USP6NL: variants seen among roughly 807,000 people sequenced by gnomAD.
USP6NL encodes the protein USP6 N-terminal-like protein.
A neutral mutation model predicts 61.9 loss-of-function variants in USP6NL; 26 were observed. That is an observed-to-expected ratio of 0.42 (90% CI 0.31 to 0.58). The LOEUF is 0.58. USP6NL is among the 20% of genes least tolerant of loss of function. The pLI, the probability that USP6NL is intolerant of heterozygous loss-of-function variation, is 0.16. For missense variants in USP6NL, 1,114 were observed against 1,034.3 expected, an observed-to-expected ratio of 1.08 and a Z score of -1.06; for synonymous variants, 432 against 390.1, an observed-to-expected ratio of 1.11 and a Z score of -1.27.
chr10:11,590,323 C>A (rs573797545), intron 2 of USP6NL, among the ~76,000 whole-genome samples: 2 of 152,136 alleles, frequency 1.3e-5, no homozygotes, highest in South Asian at 4.1e-4. Flanking sequence ...TTTCACACTA[C>A]AGGAAATGAG....
At chr10:11,558,755 TATAA>T (rs1184652541) in intron 2 of USP6NL, among the ~76,000 whole-genome samples, 1 of 152,220 alleles carries the variant, frequency 6.6e-6, no homozygotes, top group African/African-American at 2.4e-5. Context: ...TGAAATTACA[TATAA>T]ATATCTAAAC....
At position 11,510,023 on chromosome 10, in the gene USP6NL, T is replaced by A. The variant is rs1834631708; in HGVS notation, c.196-348A>T. On this transcript the variant is annotated intron_variant, in intron 5 of 14. Coordinates refer to ENST00000609104, the MANE Select transcript of USP6NL (RefSeq NM_014688.5). The surrounding 1 kb of genome is among the most constrained non-coding windows in gnomAD (Gnocchi z 4.8). The stretch of plus-strand genomic sequence containing the variant: ...ACAAAAACACTACTTTGAAATTTAA[T>A]TCTCTTCTTTCTTATTTTACTGAAT... Among the ~76,000 whole-genome samples the A allele has an allele frequency of 8.2e-6, 1 of 121,546 alleles. No individual in the cohort carries two copies. 79.7% of individuals were successfully genotyped at this position (121,546 alleles called of 152,430 possible). A position where few individuals can be genotyped will look rare whatever the true frequency, so the allele number is the denominator to read the frequency against.
Position 11,463,261 on chromosome 10 carries a change from C to G in USP6NL, c.1667G>C (p.Gly556Ala). 1 of 1,613,752 alleles carries G rather than the reference C, an allele frequency of 6.2e-7. No individual in the cohort carries two copies. The highest frequency in any genetic ancestry group is 8.5e-7 in the Non-Finnish European group (1 of 1,179,902). ...GGAAGCGCCGCTGTCCAGCTCCGGG[C>G]CTGGCACGTTGTCGTACTGCGATGC... ...STASQYDNVP[G>A]PELDSGASVE... Residue 556 changes from glycine to alanine, a missense_variant, in exon 15 of 15, where the codon GGC (glycine) becomes GCC (alanine). Gly to Ala is a moderately conservative substitution (Grantham distance 60). Coordinates refer to ENST00000609104, the MANE Select transcript of USP6NL (RefSeq NM_014688.5). This position sits in a 1 kb window ranked among gnomAD's most constrained non-coding sequence, Gnocchi z 6.3.
chr10:11,596,301 A>T lies in USP6NL; in HGVS notation c.4+1330T>A, dbSNP rs1226951669. Among the ~76,000 whole-genome samples the T allele has an allele frequency of 6.6e-6, 1 of 152,182 alleles. No individual in the cohort carries two copies. Among genetic ancestry groups the T allele is most frequent in the African/African-American group, 2.4e-5 (1 of 41,440 alleles). On this transcript the variant is annotated intron_variant, in intron 2 of 14. Transcript: ENST00000609104. The surrounding 1 kb of genome is among the most constrained non-coding windows in gnomAD (Gnocchi z 4.1). ...TACATTAGATAAACTTTCTCACAAA[A>T]TGTCATGATTGGAGCTGAAATAACA...
chr10:11,574,713 A>G lies in USP6NL; in HGVS notation c.4+22918T>C, dbSNP rs1837479305. Among the ~76,000 whole-genome samples the G allele has an allele frequency of 6.6e-6, 1 of 152,136 alleles. No homozygotes were observed. The highest frequency in any genetic ancestry group is 6.5e-5 in the Admixed American group (1 of 15,274). Reference sequence around the variant, plus strand: ...TCTTTCCTTCCCATGAATTATTTTGACATTTTTAACATATCATAAAATATT... The same window carrying G: ...TCTTTCCTTCCCATGAATTATTTTGGCATTTTTAACATATCATAAAATATT... On this transcript the variant is annotated intron_variant, in intron 2 of 14. Transcript: ENST00000609104. This position sits in a 1 kb window ranked among gnomAD's most constrained non-coding sequence, Gnocchi z 4.3.
intron 7 of USP6NL, among the ~76,000 whole-genome samples, chr10:11,498,923 C>T (rs1483992702): frequency 6.6e-6 from 1 of 152,116 alleles, no homozygotes; most frequent in Non-Finnish European, 1.5e-5. Context: ...TTCTATGCAA[C>T]CATGTCTCCT....
rs1037604322 is a variant in USP6NL at position 11,589,475 on chromosome 10, A to G, written c.4+8156T>C. 2.6e-5 allele frequency among the ~76,000 whole-genome samples: 4 copies of G among 152,232 alleles called. No homozygotes were observed. Among genetic ancestry groups the G allele is most frequent in the African/African-American group, 9.6e-5 (4 of 41,462 alleles). On this transcript the variant is annotated intron_variant, in intron 2 of 14. Transcript: ENST00000609104. The surrounding 1 kb of genome is among the most constrained non-coding windows in gnomAD (Gnocchi z 4.7). ...TAATATAAAATTGTTACCAAAGGAA[A>G]ATACAAAGACCAACTATTATAATTT...
In USP6NL at chr10:11,518,574, A is replaced by C. The variant is rs763832957; in HGVS notation, c.156T>G (p.His52Gln). 6.2e-7 allele frequency: 1 copy of C among 1,611,888 alleles called. No homozygotes were observed. The highest frequency in any genetic ancestry group is 8.5e-7 in the Non-Finnish European group (1 of 1,179,022). Residue 52 changes from histidine (H) to glutamine (Q), a missense_variant and splice_region_variant, in exon 5 of 15, where the codon CAT (histidine) becomes CAG (glutamine). By Grantham distance (24) the His-to-Gln change is conservative. Transcript: ENST00000609104. This position sits in a 1 kb window ranked among gnomAD's most constrained non-coding sequence, Gnocchi z 5.3. ...YKVTDRFGFL[H>Q]EEELPDHNVA... ...CATTATGATCTGGGAGCTCCTCCTC[A>C]CTGCAGAGGAAAAACAGTATTATAT...
chr10:11,543,548 T>TA (rs946216384), intron 2 of USP6NL, among the ~76,000 whole-genome samples: 2 of 147,092 alleles, frequency 1.4e-5, no homozygotes, highest in African/African-American at 5.0e-5. Context: ...TCTCAAAAAA[T>TA]AAAAAAGAAA....
In USP6NL at chr10:11,493,293, AAAT is replaced by A. The variant is rs1308192905; in HGVS notation, c.385-68_385-66del. ...AATTAGTTGTTGAAAACTCTATGAC[AAAT>A]AATAATTCTCATTAAAAAGTTTTTG... On this transcript the variant is annotated intron_variant, in intron 7 of 14. Coordinates refer to ENST00000609104, the MANE Select transcript of USP6NL (RefSeq NM_014688.5). The A allele has an allele frequency of 2.2e-6, 3 of 1,368,520 alleles. No homozygotes were observed. The African/African-American group carries it at 4.4e-5, about 20-fold the overall frequency. The allele number at this position is 1,368,520 out of a possible 1,614,324, so 84.8% of individuals were successfully genotyped here. A position where few individuals can be genotyped will look rare whatever the true frequency, so the allele number is the denominator to read the frequency against.
rs760558972 is a variant in USP6NL at position 11,518,829 on chromosome 10, T to C, written c.156-255A>G. On this transcript the variant is annotated intron_variant, in intron 4 of 14. Coordinates refer to ENST00000609104, the MANE Select transcript of USP6NL (RefSeq NM_014688.5). This position sits in a 1 kb window ranked among gnomAD's most constrained non-coding sequence, Gnocchi z 5.3. The stretch of plus-strand genomic sequence containing the variant: ...ATTAATAAAAAGCATCTAATTAACA[T>C]TAAAATTTAATTTAGTTTAACACTG... Among the ~76,000 whole-genome samples, 1 of 152,208 alleles carries C rather than the reference T, an allele frequency of 6.6e-6. No individual in the cohort carries two copies. The highest frequency in any genetic ancestry group is 2.4e-5 in the African/African-American group (1 of 41,440).
rs1295560203 is a variant in USP6NL, at chr10:11,592,847, T to C, written c.4+4784A>G. 6.6e-6 allele frequency among the ~76,000 whole-genome samples: 1 copy of C among 152,208 alleles called. No homozygotes were observed. Among genetic ancestry groups the C allele is most frequent in the African/African-American group, 2.4e-5 (1 of 41,448 alleles). On this transcript the variant is annotated intron_variant, in intron 2 of 14. Coordinates refer to ENST00000609104, the MANE Select transcript of USP6NL (RefSeq NM_014688.5). This position sits in a 1 kb window ranked among gnomAD's most constrained non-coding sequence, Gnocchi z 4.7. ...GAGATTTAGTAATCTATTCATTTAT[T>C]TATAACATTATCTGCTCTAACAAAT...
chr10:11,566,582 G>A (rs959003569), intron 2 of USP6NL, among the ~76,000 whole-genome samples: 4 of 152,226 alleles, frequency 2.6e-5, no homozygotes, highest in Admixed American at 6.5e-5. Context: ...TAGTGGATTC[G>A]AGAGCTGAAC....
At chr10:11,566,095 T>G (rs1837141095) in intron 2 of USP6NL, among the ~76,000 whole-genome samples, 1 of 152,176 alleles carries the variant, frequency 6.6e-6, no homozygotes, top group Middle Eastern at 3.2e-3. Context: ...TAGAGCTGGA[T>G]GGCTATGAAA....
chr10:11,463,380 T>A lies in USP6NL; in HGVS notation c.1548A>T (p.Ala516=), dbSNP rs201642842. 1 of 1,614,066 alleles carries A rather than the reference T, an allele frequency of 6.2e-7. No individual in the cohort carries two copies. The highest frequency in any genetic ancestry group is 2.2e-5 in the East Asian group (1 of 44,884). Residue 516 remains alanine, a synonymous_variant, in exon 15 of 15, where the codon GCA becomes GCT. Coordinates refer to ENST00000609104, the MANE Select transcript of USP6NL (RefSeq NM_014688.5). This position sits in a 1 kb window ranked among gnomAD's most constrained non-coding sequence, Gnocchi z 6.3. ...CCTCGGCAGGACCTGGGACGGTAACTGCGAGCGCGGGGTGCGCTGCTCGAC... is the reference window on the plus strand; with the variant it reads ...CCTCGGCAGGACCTGGGACGGTAACAGCGAGCGCGGGGTGCGCTGCTCGAC... The part of the protein sequence containing the change: ...GKGRAAHPAL[A]VTVPGPAEVR...
intron 2 of USP6NL, among the ~76,000 whole-genome samples, chr10:11,533,187 C>T (rs1158777710): frequency 6.6e-6 from 1 of 152,028 alleles, no homozygotes; most frequent in Non-Finnish European, 1.5e-5. Flanking sequence ...AGCCATATAC[C>T]AAGGAATAAG....
chr10:11,473,207 T>C (rs1378754662), intron 14 of USP6NL, among the ~76,000 whole-genome samples: 1 of 152,072 alleles, frequency 6.6e-6, no homozygotes, highest in African/African-American at 2.4e-5. Flanking sequence ...ATCTAAAAAA[T>C]ACATTAGGAT....
rs139982321 is a variant in USP6NL, at chr10:11,502,115, C to T, written c.277-907G>A. Among the ~76,000 whole-genome samples the T allele has an allele frequency of 6.0e-3, 919 of 152,016 alleles. 8 individuals are homozygous for T. The highest frequency in any genetic ancestry group is 0.021 in the African/African-American group (867 of 41,474). On this transcript the variant is annotated intron_variant, in intron 6 of 14. Transcript: ENST00000609104. ...CTACTAAAACTACAAAAAAATTAGC[C>T]GGGCATGGTGGTGGGTGCCTGTAGT...
intron 2 of USP6NL, chr10:11,563,662 A>T (rs1490070780): frequency 6.6e-6 from 1 of 152,202 alleles, no homozygotes; most frequent in Non-Finnish European, 1.5e-5. Flanking sequence ...CTGTTTTCAA[A>T]AACCCCATAA....
Sources: gnomAD v4.1 joint callset for allele counts (sites outside exome capture counted in the v4.1 genomes callset) on GRCh38, gnomAD v4.1.1 for gene constraint, Gnocchi (gnomAD v3.1) non-coding constraint, MANE v1.5 for transcripts, NCBI Gene and HGNC (gene_info 2026-07-23, HGNC 2026-07-21) for gene names.